ITGA6: variants seen among roughly 807,000 people sequenced by gnomAD.
ITGA6 encodes the protein integrin alpha-6.
A neutral mutation model predicts 133.6 loss-of-function variants in ITGA6; 63 were observed. That is an observed-to-expected ratio of 0.47 (90% CI 0.38 to 0.58). The LOEUF is 0.58. Ranked by LOEUF, ITGA6 falls within the 20% of genes least tolerant of loss-of-function variation. ITGA6 has a pLI of 0.00. For missense variants in ITGA6, 1,068 were observed against 1,309.4 expected, an observed-to-expected ratio of 0.82 and a Z score of 2.85; for synonymous variants, 434 against 482.0, an observed-to-expected ratio of 0.90 and a Z score of 1.30.
At chr2:172,473,003 GCA>G in intron 5 of ITGA6, 1 of 680,712 alleles carries the variant, frequency 1.5e-6, no homozygotes, top group Non-Finnish European at 2.6e-6. Flanking sequence ...TTCCATTGAA[GCA>G]CACACAAAAA....
intron 7 of ITGA6, 73 bp downstream of exon 7, chr2:172,475,195 C>G: frequency 9.6e-7 from 1 of 1,045,778 alleles, no homozygotes; most frequent in East Asian, 2.5e-5. Flanking sequence ...CTGCTGGGCA[C>G]AGTGGCTCAC....
At chr2:172,478,287 C>T (rs1014574516) in intron 9 of ITGA6, among the ~76,000 whole-genome samples, 1 of 152,200 alleles carries the variant, frequency 6.6e-6, no homozygotes, top group African/African-American at 2.4e-5. Flanking sequence ...TGGACTTGTG[C>T]TCTAGCCTAC....
At position 172,471,123 on chromosome 2, in the gene ITGA6, T is replaced by TG; in HGVS notation, c.775+20dup. 1 of 1,614,138 alleles carries TG rather than the reference T, an allele frequency of 6.2e-7. No homozygotes were observed. The highest frequency in any genetic ancestry group is 8.5e-7 in the Non-Finnish European group (1 of 1,179,990). On this transcript the variant is annotated intron_variant, in intron 5 of 25. Coordinates refer to ENST00000684293, the MANE Select transcript of ITGA6 (RefSeq NM_000210.4). ...TTACTTAGGTAGGAGCAGGCACAGA[T>TG]GGCTGCCTTTGCCCACCTTCTCAGA...
chr2:172,431,889 AG>A (rs1341270263), intron 1 of ITGA6, among the ~76,000 whole-genome samples: 1 of 152,236 alleles, frequency 6.6e-6, no homozygotes, highest in Non-Finnish European at 1.5e-5. Flanking sequence ...TTGTTGGGGA[AG>A]TCAGGATAAA....
At chr2:172,500,903 A>G (rs1436733266) in intron 24 of ITGA6, among the ~76,000 whole-genome samples, 2 of 152,210 alleles carry the variant, frequency 1.3e-5, no homozygotes, top group Admixed American at 6.5e-5. Context: ...TCACGGAGCC[A>G]GCAGCTCCCA....
chr2:172,504,987 A>G lies in ITGA6; in HGVS notation c.*919A>G, dbSNP rs139374896. 5.3e-3 allele frequency: 803 copies of G among 152,746 alleles called. 10 individuals are homozygous for G. The highest frequency in any genetic ancestry group is 0.017 in the Admixed American group (256 of 15,298). 9.5% of individuals were successfully genotyped at this position (152,746 alleles called of 1,614,324 possible). On this transcript the variant is annotated 3_prime_UTR_variant, in exon 26 of 26. Transcript: ENST00000684293. ...TTTACCCTTCAGGTTGGTTTAATCAATCAGAATTAGAGCATGGGAGGTCAT... is the reference window on the plus strand; with the variant it reads ...TTTACCCTTCAGGTTGGTTTAATCAGTCAGAATTAGAGCATGGGAGGTCAT...
chr2:172,471,174 G>C, intron 5 of ITGA6, 69 bp downstream of exon 5: 1 of 1,579,008 alleles, frequency 6.3e-7, no homozygotes, highest in South Asian at 1.1e-5. Flanking sequence ...TCCCTCGCAG[G>C]GCCTATGGCC....
intron 9 of ITGA6, among the ~76,000 whole-genome samples, chr2:172,477,663 ACTGT>A (rs1344593512): frequency 2.0e-5 from 3 of 152,226 alleles, no homozygotes; most frequent in Non-Finnish European, 4.4e-5. Context: ...AAGTAGGTTG[ACTGT>A]CAACCCTGTA....
intron 23 of ITGA6, 45 bp from the exon 24 acceptor site, chr2:172,497,930 C>CT: frequency 6.2e-7 from 1 of 1,611,706 alleles, no homozygotes; most frequent in Non-Finnish European, 8.5e-7. Flanking sequence ...GGTGTGAACT[C>CT]TTGCCGCTGT....
chr2:172,438,608 A>G (rs1684418189), intron 1 of ITGA6, among the ~76,000 whole-genome samples: 1 of 151,800 alleles, frequency 6.6e-6, no homozygotes, highest in African/African-American at 2.4e-5. Context: ...AATAGCACCT[A>G]CCTCAGAGGG....
chr2:172,474,338 A>G, intron 6 of ITGA6, 73 bp downstream of exon 6: 1 of 1,333,886 alleles, frequency 7.5e-7, no homozygotes, highest in Non-Finnish European at 1.1e-6. Context: ...ACTGGAGAAG[A>G]GCCGTCCTTT....
At position 172,469,507 on chromosome 2, in the gene ITGA6, A is replaced by AAATC. The variant is rs1574368914; in HGVS notation, c.643+128_643+131dup. ...TTATAAAAGTTGGGTAGGATATTAA[A>AAATC]AATCTCTAAATGATATGATTTTTAA... is the stretch of plus-strand genomic sequence containing the variant. On this transcript the variant is annotated intron_variant, in intron 4 of 25. Transcript: ENST00000684293. 8 of 817,866 alleles carry AAATC rather than the reference A, an allele frequency of 9.8e-6. No homozygotes were observed. In the East Asian group the frequency reaches 2.1e-4, roughly 22 times the overall value. 50.7% of individuals were successfully genotyped at this position (817,866 alleles called of 1,614,324 possible). A position where few individuals can be genotyped will look rare whatever the true frequency, so the allele number is the denominator to read the frequency against.
chr2:172,479,609 C>A, intron 9 of ITGA6, 32 bp from the exon 10 acceptor site: 2 of 1,559,794 alleles, frequency 1.3e-6, no homozygotes, highest in Non-Finnish European at 1.8e-6. Context: ...GTAACAGAGG[C>A]TGAGCTTGTT....
In ITGA6 at chr2:172,504,341, C is replaced by T; in HGVS notation, c.*273C>T. 1.0e-6 allele frequency: 1 copy of T among 977,940 alleles called. No individual in the cohort carries two copies. 60.6% of individuals were successfully genotyped at this position (977,940 alleles called of 1,614,324 possible). A position where few individuals can be genotyped will look rare whatever the true frequency, so the allele number is the denominator to read the frequency against. On this transcript the variant is annotated 3_prime_UTR_variant, in exon 26 of 26. Coordinates refer to ENST00000684293, the MANE Select transcript of ITGA6 (RefSeq NM_000210.4). ...TTTGGATTTAAAAGCCTGCTCAATC[C>T]CTGAGGACTGATTTCAGAGTGACTA... is the stretch of plus-strand genomic sequence containing the variant.
intron 11 of ITGA6, among the ~76,000 whole-genome samples, chr2:172,484,391 C>A (rs1686575337): frequency 7.2e-6 from 1 of 138,306 alleles, no homozygotes; most frequent in Non-Finnish European, 1.6e-5. Flanking sequence ...CTTGAATAAG[C>A]ATTGACTGGT....
rs6745772 is a variant in ITGA6, at chr2:172,435,848, C to T, written c.182+7878C>T. Reference sequence around the variant, plus strand: ...GCTACCATGTTGGCCAGGCTGGTCTCGAACTCCTGGATTCAGGCAATCAGC... The same window carrying T: ...GCTACCATGTTGGCCAGGCTGGTCTTGAACTCCTGGATTCAGGCAATCAGC... On this transcript the variant is annotated intron_variant, in intron 1 of 25. Coordinates refer to ENST00000684293, the MANE Select transcript of ITGA6 (RefSeq NM_000210.4). Among the ~76,000 whole-genome samples the T allele has an allele frequency of 5.9e-4, 89 of 151,888 alleles. 1 individual carries two copies. Among genetic ancestry groups the T allele is most frequent in the African/African-American group, 2.0e-3 (82 of 41,412 alleles).
At chr2:172,471,753 TAA>T (rs1421751112) in intron 5 of ITGA6, among the ~76,000 whole-genome samples, 1 of 152,172 alleles carries the variant, frequency 6.6e-6, no homozygotes, top group East Asian at 1.9e-4. Context: ...ATGGGTGTCC[TAA>T]GTTATTCATG....
At chr2:172,443,859 C>G (rs1299583549) in intron 1 of ITGA6, among the ~76,000 whole-genome samples, 7 of 152,320 alleles carry the variant, frequency 4.6e-5, no homozygotes, top group African/African-American at 1.4e-4. Context: ...ACTGCAGCCT[C>G]AACCTCCTGG....
chr2:172,494,629 C>T (rs920314698), intron 23 of ITGA6, among the ~76,000 whole-genome samples: 2 of 152,182 alleles, frequency 1.3e-5, no homozygotes, highest in South Asian at 2.1e-4. Context: ...TAAATTAAAT[C>T]CATCTTGTTA....
Sources: allele counts gnomAD v4.1 joint callset (sites outside exome capture counted in the v4.1 genomes callset), GRCh38; gene constraint gnomAD v4.1.1; transcripts MANE v1.5; gene names NCBI Gene and HGNC (gene_info 2026-07-23, HGNC 2026-07-21).